The following VPS13B variants were observed in gnomAD, a reference collection of about 807,000 sequenced individuals.
VPS13B encodes vacuolar protein sorting 13 homolog B.
A neutral mutation model predicts 426.4 loss-of-function variants in VPS13B; 285 were observed. The ratio of observed to expected loss-of-function variants is 0.67; its 90% CI spans 0.61 to 0.74. The LOEUF (loss-of-function observed/expected upper bound fraction) is 0.74. Among genes scored for constraint, VPS13B ranks in the 30% least tolerant of loss-of-function variants. The pLI, the probability that VPS13B is intolerant of heterozygous loss-of-function variation, is 0.00. For missense variants in VPS13B, 4,537 were observed against 4,782.6 expected, an observed-to-expected ratio of 0.95 and a Z score of 1.51; for synonymous variants, 1,676 against 1,676.4, an observed-to-expected ratio of 1.00 and a Z score of 0.01.
At chr8:99,778,460 T>C (rs1375409637) in intron 41 of VPS13B, among the ~76,000 whole-genome samples, 1 of 152,148 alleles carries the variant, frequency 6.6e-6, no homozygotes, top group African/African-American at 2.4e-5. Context: ...TTTTGGACAA[T>C]ATATATTTAA....
intron 36 of VPS13B, among the ~76,000 whole-genome samples, chr8:99,709,470 T>C (rs1832625761): frequency 6.6e-6 from 1 of 152,194 alleles, no homozygotes; most frequent in Non-Finnish European, 1.5e-5. Context: ...TTGAAGTAAA[T>C]TTTTATACTC....
chr8:99,262,096 C>T (rs776330596), intron 17 of VPS13B, among the ~76,000 whole-genome samples: 14 of 152,058 alleles, frequency 9.2e-5, no homozygotes, highest in Admixed American at 5.9e-4. Context: ...GGGGGTAGAA[C>T]GATGAAAATT....
At chr8:99,077,298 G>A (rs1032584264) in intron 3 of VPS13B, among the ~76,000 whole-genome samples, 9 of 151,854 alleles carry the variant, frequency 5.9e-5, no homozygotes, top group African/African-American at 2.2e-4. Context: ...TCAGCCTCCC[G>A]AGTAACTGGG....
chr8:99,117,962 T>C (rs566582182), intron 7 of VPS13B, among the ~76,000 whole-genome samples: 2 of 152,298 alleles, frequency 1.3e-5, no homozygotes, highest in African/African-American at 2.4e-5. Context: ...AAAATCTTAC[T>C]ACCTTAAAAT....
At chr8:99,693,851 C>T (rs1184024210) in intron 35 of VPS13B, among the ~76,000 whole-genome samples, 1 of 150,060 alleles carries the variant, frequency 6.7e-6, no homozygotes, top group Non-Finnish European at 1.5e-5. Context: ...AGCAAAGTCT[C>T]AGGATACAAA....
chr8:99,808,096 A>C (rs114168487), intron 43 of VPS13B, among the ~76,000 whole-genome samples: 160 of 152,032 alleles, frequency 1.1e-3, no homozygotes, highest in African/African-American at 3.6e-3. Context: ...AGGTTTTCAA[A>C]GTTTTATTCT....
At chr8:99,294,795 C>A (rs1413141532) in intron 19 of VPS13B, among the ~76,000 whole-genome samples, 1 of 152,060 alleles carries the variant, frequency 6.6e-6, no homozygotes, top group East Asian at 1.9e-4. Flanking sequence ...TAAAGACACC[C>A]TTTTAAAGAG....
intron 40 of VPS13B, among the ~76,000 whole-genome samples, chr8:99,772,248 C>G (rs1170210434): frequency 6.6e-6 from 1 of 150,438 alleles, no homozygotes; most frequent in Non-Finnish European, 1.5e-5. Context: ...AGTGTTTTAC[C>G]TGAAGGCTCA....
chr8:99,128,386 C>CAAAAAAA (rs71273165), intron 8 of VPS13B, among the ~76,000 whole-genome samples: 2 of 34,220 alleles, frequency 5.8e-5, no homozygotes, highest in African/African-American at 2.2e-4. Context: ...GATACTGTCC[C>CAAAAAAA]AAAAAAAAAA....
chr8:99,496,354 A>G (rs553697434), intron 25 of VPS13B, among the ~76,000 whole-genome samples: 1 of 152,304 alleles, frequency 6.6e-6, no homozygotes, highest in East Asian at 1.9e-4. Flanking sequence ...AACTGCCATT[A>G]AAAGCACTAA....
chr8:99,090,925 T>A (rs6468660), intron 3 of VPS13B, among the ~76,000 whole-genome samples: 111,641 of 151,930 alleles, frequency 0.73, 41,771 homozygotes, highest in South Asian at 0.87. Context: ...ATCTCACAGT[T>A]TCAATTCTGT....
intron 25 of VPS13B, among the ~76,000 whole-genome samples, chr8:99,497,788 T>A (rs981032104): frequency 6.6e-6 from 1 of 152,150 alleles, no homozygotes; most frequent in Non-Finnish European, 1.5e-5. Context: ...GATAGTATAT[T>A]TAGTTTGAAT....
In VPS13B at chr8:99,750,324, A is replaced by G. The variant is rs16897658; in HGVS notation, c.7051-16450A>G. Among the ~76,000 whole-genome samples, 1,500 of 152,168 alleles carry G rather than the reference A, an allele frequency of 9.9e-3. 33 individuals carry two copies. The highest frequency in any genetic ancestry group is 0.035 in the African/African-American group (1,438 of 41,548). ...CCCCTGATGTCCCCTGTCTCCAACC[A>G]GGTGGAAAAGTTGCCCCACTTTGGG... On this transcript the variant is annotated intron_variant, in intron 39 of 61. Transcript: ENST00000357162.
chr8:99,845,726 A>T (rs1469226500), intron 54 of VPS13B, among the ~76,000 whole-genome samples: 1 of 152,242 alleles, frequency 6.6e-6, no homozygotes, highest in Non-Finnish European at 1.5e-5. Context: ...ACAGTCTTCC[A>T]CAGCTATCTA....
At chr8:99,855,684 C>T (rs1816511183) in intron 56 of VPS13B, among the ~76,000 whole-genome samples, 1 of 152,124 alleles carries the variant, frequency 6.6e-6, no homozygotes. Flanking sequence ...AGTAAACGAC[C>T]TGTGTTATTG....
intron 19 of VPS13B, among the ~76,000 whole-genome samples, chr8:99,314,532 A>G (rs1463269207): frequency 6.6e-6 from 1 of 152,162 alleles, no homozygotes; most frequent in Non-Finnish European, 1.5e-5. Context: ...GAAGTCCCCA[A>G]CTATTATTAT....
intron 28 of VPS13B, among the ~76,000 whole-genome samples, chr8:99,509,737 T>C (rs1291964798): frequency 6.6e-6 from 1 of 152,188 alleles, no homozygotes; most frequent in African/African-American, 2.4e-5. Flanking sequence ...TACTAACTTT[T>C]TCAGGTGTTG....
At chr8:99,395,646 A>T (rs1814690143) in intron 21 of VPS13B, among the ~76,000 whole-genome samples, 1 of 152,186 alleles carries the variant, frequency 6.6e-6, no homozygotes, top group Non-Finnish European at 1.5e-5. Flanking sequence ...CAACATCATT[A>T]AAAGGAATAC....
rs955522842 is a variant in VPS13B at position 99,664,977 on chromosome 8, C to G, written c.6046+3486C>G. Among the ~76,000 whole-genome samples the G allele has an allele frequency of 2.0e-5, 3 of 152,144 alleles. No homozygotes were observed. In the South Asian group the frequency reaches 6.2e-4, roughly 32 times the overall value. On this transcript the variant is annotated intron_variant, in intron 35 of 61. Transcript: ENST00000357162. ...TATTTCTCCACATCCTCTCCAGCAC[C>G]TGTTGTTTCTTGACTTTTTAATGAT...
Sources: allele counts gnomAD v4.1 joint callset (sites outside exome capture counted in the v4.1 genomes callset), GRCh38; gene constraint gnomAD v4.1.1; transcripts MANE v1.5; gene names NCBI Gene and HGNC (gene_info 2026-07-23, HGNC 2026-07-21).